The following CA6 variants were observed in gnomAD, a reference collection of about 807,000 sequenced individuals.
CA6 encodes carbonic anhydrase 6, also known as carbonate dehydratase VI.
In CA6, 28 loss-of-function variants were observed where a neutral mutation model predicts 35.9. The observed-to-expected ratio is 0.78, with a 90% CI of 0.58 to 1.07. CA6 has a LOEUF of 1.07. Among genes scored for constraint, CA6 ranks in the 50% least tolerant of loss-of-function variants. The pLI is 0.00. For synonymous variants in CA6, 148 were observed against 152.6 expected, an observed-to-expected ratio of 0.97 and a Z score of 0.22; for missense variants, 377 against 382.0, an observed-to-expected ratio of 0.99 and a Z score of 0.11.
chr1:8,974,722 A>AT lies in CA6; in HGVS notation c.*20dup, dbSNP rs1640221287. ...TGAACTGAGGAAAGCTAAGAGGAAG[A>AT]TTCAATATTAACTAGCTTGAAGCCT... On this transcript the variant is annotated 3_prime_UTR_variant, in exon 8 of 8. Transcript: ENST00000377443. 1 of 1,517,348 alleles carries AT rather than the reference A, an allele frequency of 6.6e-7. No homozygotes were observed. The highest frequency in any genetic ancestry group is 1.4e-5 in the African/African-American group (1 of 71,314). The allele number at this position is 1,517,348 out of a possible 1,614,324, so 94.0% of individuals were successfully genotyped here. A position where few individuals can be genotyped will look rare whatever the true frequency, so the allele number is the denominator to read the frequency against.
chr1:8,955,195 T>C lies in CA6; in HGVS notation c.260-1942T>C, dbSNP rs566031635. 1.3e-3 allele frequency among the ~76,000 whole-genome samples: 196 copies of C among 152,132 alleles called. 1 individual carries two copies. Among genetic ancestry groups the C allele is most frequent in the African/African-American group, 4.5e-3 (186 of 41,514 alleles). ...TTTCAGACCAGCCTGGGCAACATGG[T>C]GAAATTCTGTCTCTACAAATAAACT... On this transcript the variant is annotated intron_variant, in intron 2 of 7. Transcript: ENST00000377443.
intron 1 of CA6, among the ~76,000 whole-genome samples, chr1:8,947,359 C>G (rs1639393534): frequency 6.6e-6 from 1 of 152,080 alleles, no homozygotes; most frequent in African/African-American, 2.4e-5. Context: ...CCTGCAGAGT[C>G]TGCCCCAGTT....
At chr1:8,949,711 C>T (rs1265216076) in intron 2 of CA6, among the ~76,000 whole-genome samples, 1 of 152,136 alleles carries the variant, frequency 6.6e-6, no homozygotes, top group Non-Finnish European at 1.5e-5. Flanking sequence ...ACCCAACCCA[C>T]CCAGCAGGTG....
In CA6 at chr1:8,973,784, C is replaced by CTTCTTTCTTTCT. The variant is rs1553164191; in HGVS notation, c.845-836_845-835insCTTTCTTTCTTT. Among the ~76,000 whole-genome samples, 209 of 51,974 alleles carry CTTCTTTCTTTCT rather than the reference C, an allele frequency of 4.0e-3. 6 individuals carry two copies. Among genetic ancestry groups the CTTCTTTCTTTCT allele is most frequent in the African/African-American group, 0.015 (198 of 13,494 alleles). 34.1% of individuals were successfully genotyped at this position (51,974 alleles called of 152,430 possible). ...TCTTTCTTTCTTTCTTTCTTTCTTT[C>CTTCTTTCTTTCT]TTTTCCCTCCCTCCCTCTCTCTCTC... On this transcript the variant is annotated intron_variant, in intron 7 of 7. Coordinates refer to ENST00000377443, the MANE Select transcript of CA6 (RefSeq NM_001215.4).
At chr1:8,951,526 C>T (rs774815964) in intron 2 of CA6, 4 of 765,138 alleles carry the variant, frequency 5.2e-6, no homozygotes, top group Admixed American at 1.7e-5. Flanking sequence ...CCCTGGACAG[C>T]TGGTGGGAAG....
chr1:8,958,814 A>G, intron 3 of CA6, 96 bp from the exon 4 acceptor site: 2 of 714,624 alleles, frequency 2.8e-6, no homozygotes, highest in East Asian at 2.7e-5. Context: ...GAGGCCTCAG[A>G]CGGAGCACCT....
chr1:8,966,291 G>A (rs145944459), intron 5 of CA6, among the ~76,000 whole-genome samples: 2,063 of 151,952 alleles, frequency 0.014, 41 homozygotes, highest in African/African-American at 0.047. Context: ...TGTATTTTTA[G>A]TAGAGACGGG....
intron 2 of CA6, 27 bp downstream of exon 2, chr1:8,949,469 C>G: frequency 1.3e-6 from 2 of 1,594,154 alleles, no homozygotes; most frequent in Non-Finnish European, 1.7e-6. Flanking sequence ...GTGAGGGGCT[C>G]CAGTCCATGG....
At chr1:8,966,947 G>C (rs1639982397) in intron 5 of CA6, among the ~76,000 whole-genome samples, 1 of 151,462 alleles carries the variant, frequency 6.6e-6, no homozygotes, top group Non-Finnish European at 1.5e-5. Flanking sequence ...CTGGACCCTG[G>C]CTTGGTTCTG....
intron 6 of CA6, among the ~76,000 whole-genome samples, chr1:8,969,303 A>G (rs182094365): frequency 1.3e-5 from 2 of 152,316 alleles, no homozygotes; most frequent in African/African-American, 4.8e-5. Context: ...CAACAGGGCA[A>G]GACTCCATCT....
rs1281923310 is a variant in CA6 at position 8,974,909 on chromosome 1, G to T, written c.*205G>T. ...AGGAAGTGAGATGGCTTCAGTTCAT[G>T]AGACGGGATCTGAGTTAGACATCAC... On this transcript the variant is annotated 3_prime_UTR_variant, in exon 8 of 8. Transcript: ENST00000377443. 5 of 464,940 alleles carry T rather than the reference G, an allele frequency of 1.1e-5. No homozygotes were observed. Among genetic ancestry groups the T allele is most frequent in the African/African-American group, 4.1e-5 (2 of 49,106 alleles). 28.8% of individuals were successfully genotyped at this position (464,940 alleles called of 1,614,324 possible). A position where few individuals can be genotyped will look rare whatever the true frequency, so the allele number is the denominator to read the frequency against.
At chr1:8,973,745 TTTCTTTC>T (rs1557635560) in intron 7 of CA6, among the ~76,000 whole-genome samples, 1 of 19,936 alleles carries the variant, frequency 5.0e-5, no homozygotes, top group Non-Finnish European at 7.8e-5. Context: ...TCTTTCTTTC[TTTCTTTC>T]TTTCTTTCTT....
Position 8,962,666 on chromosome 1 carries a change from GCCAA to G in CA6, c.571+12_571+15del, listed in dbSNP as rs1639870611. On this transcript the variant is annotated intron_variant, in intron 5 of 7. Coordinates refer to ENST00000377443, the MANE Select transcript of CA6 (RefSeq NM_001215.4). ...AACATCAAGTACCCAGGTAAGGGAA[GCCAA>G]CTGTGGCTGCAGGAGGGAAGGGGAA... is the stretch of plus-strand genomic sequence containing the variant. The G allele has an allele frequency of 3.1e-6, 5 of 1,609,366 alleles. No homozygotes were observed. Among genetic ancestry groups the G allele is most frequent in the Non-Finnish European group, 4.3e-6 (5 of 1,175,844 alleles).
chr1:8,949,128 C>A, intron 1 of CA6, 135 bp from the exon 2 acceptor site: 1 of 583,932 alleles, frequency 1.7e-6, no homozygotes. Flanking sequence ...TCTGGGGGAC[C>A]TGCTTCTGCT....
In CA6 at chr1:8,963,100, G is replaced by A. The variant is rs778530649; in HGVS notation, c.571+444G>A. ...CGTCCCCTCTCCTCCAGAGGGCGGC[G>A]TTCTTGTAAGAGCCATTTCCCACCC... is the stretch of plus-strand genomic sequence containing the variant. On this transcript the variant is annotated intron_variant, in intron 5 of 7. Coordinates refer to ENST00000377443, the MANE Select transcript of CA6 (RefSeq NM_001215.4). This position sits in a 1 kb window ranked among gnomAD's most constrained non-coding sequence, Gnocchi z 4.1. 1.3e-5 allele frequency among the ~76,000 whole-genome samples: 2 copies of A among 152,228 alleles called. No homozygotes were observed. Among genetic ancestry groups the A allele is most frequent in the Middle Eastern group, 3.4e-3 (1 of 294 alleles).
chr1:8,950,862 T>A (rs1190512730), intron 2 of CA6, among the ~76,000 whole-genome samples: 2 of 148,984 alleles, frequency 1.3e-5, no homozygotes, highest in African/African-American at 5.1e-5. Context: ...CGAGACCGTT[T>A]CTTTAAAATA....
At chr1:8,950,236 G>A (rs1418505655) in intron 2 of CA6, among the ~76,000 whole-genome samples, 1 of 151,980 alleles carries the variant, frequency 6.6e-6, no homozygotes, top group Non-Finnish European at 1.5e-5. Context: ...GCCCACCTTA[G>A]CCTCCCCAAA....
At chr1:8,961,520 G>C (rs1226709870) in intron 4 of CA6, among the ~76,000 whole-genome samples, 29 of 152,094 alleles carry the variant, frequency 1.9e-4, no homozygotes, top group Admixed American at 1.9e-3. Flanking sequence ...GTTGTATATG[G>C]TAATCATTTG....
At chr1:8,951,826 A>T (rs1569664781) in intron 2 of CA6, 10 of 273,906 alleles carry the variant, frequency 3.7e-5, no homozygotes, top group East Asian at 1.4e-4. Context: ...ATTAAAAACA[A>T]TTTTTTTTTT....
Sources: allele counts gnomAD v4.1 joint callset (sites outside exome capture counted in the v4.1 genomes callset), GRCh38; gene constraint gnomAD v4.1.1; non-coding constraint Gnocchi (gnomAD v3.1); transcripts MANE v1.5; gene names NCBI Gene and HGNC (gene_info 2026-07-23, HGNC 2026-07-21).